The following IQCJ variants were observed in gnomAD, a reference collection of about 807,000 sequenced individuals.
IQCJ encodes IQ motif containing J.
Under a neutral mutation model 11.0 loss-of-function variants are expected in IQCJ, and 9 were observed. That is an observed-to-expected ratio of 0.82 (90% CI 0.49 to 1.43). The LOEUF (loss-of-function observed/expected upper bound fraction) is 1.43. IQCJ is among the 40% of genes most tolerant of loss of function. The pLI, the probability that IQCJ is intolerant of heterozygous loss-of-function variation, is 0.00. For synonymous variants in IQCJ, 55 were observed against 51.3 expected, an observed-to-expected ratio of 1.07 and a Z score of -0.31; for missense variants, 146 against 133.2, an observed-to-expected ratio of 1.10 and a Z score of -0.47.
At chr3:159,231,434 A>G (rs2595263) in intron 1 of IQCJ, among the ~76,000 whole-genome samples, 48,504 of 152,156 alleles carry the variant, frequency 0.32, 9,462 homozygotes, top group Non-Finnish European at 0.44. Flanking sequence ...TGATAATCAC[A>G]TTCTTATGAA....
intron 1 of IQCJ, among the ~76,000 whole-genome samples, chr3:159,186,457 G>A (rs908548177): frequency 1.3e-5 from 2 of 152,114 alleles, no homozygotes; most frequent in Non-Finnish European, 2.9e-5. Flanking sequence ...AGTAAGACAA[G>A]CATTTCAAAC....
At chr3:159,163,128 A>G (rs1054517209) in intron 1 of IQCJ, among the ~76,000 whole-genome samples, 7 of 152,218 alleles carry the variant, frequency 4.6e-5, no homozygotes, top group African/African-American at 1.7e-4. Context: ...CAAAAAAGAG[A>G]ATTTGAGACC....
At chr3:159,193,561 T>C (rs965656863) in intron 1 of IQCJ, among the ~76,000 whole-genome samples, 2 of 152,214 alleles carry the variant, frequency 1.3e-5, no homozygotes, top group Admixed American at 6.5e-5. Context: ...TGTGATGTTA[T>C]GTGTGGTTCC....
chr3:159,189,154 T>C (rs1481525423), intron 1 of IQCJ, among the ~76,000 whole-genome samples: 1 of 152,110 alleles, frequency 6.6e-6, no homozygotes, highest in Non-Finnish European at 1.5e-5. Context: ...TCTATGGTGG[T>C]ATGTTTGGGA....
chr3:159,167,445 T>C (rs1348514149), intron 1 of IQCJ, among the ~76,000 whole-genome samples: 1 of 152,200 alleles, frequency 6.6e-6, no homozygotes, highest in Non-Finnish European at 1.5e-5. Flanking sequence ...TCTTTTTTAG[T>C]GCACCCTGCT....
At chr3:159,183,433 T>C (rs915469592) in intron 1 of IQCJ, among the ~76,000 whole-genome samples, 1 of 152,186 alleles carries the variant, frequency 6.6e-6, no homozygotes. Context: ...TCTGTTATGC[T>C]CCTTTCTGTC....
chr3:159,123,697 T>A (rs1238131078), intron 1 of IQCJ, among the ~76,000 whole-genome samples: 3 of 152,130 alleles, frequency 2.0e-5, no homozygotes, highest in Non-Finnish European at 4.4e-5. Context: ...GTCTTAGAAT[T>A]CTACATTTTG....
At chr3:159,092,345 T>G (rs1296954954) in intron 1 of IQCJ, among the ~76,000 whole-genome samples, 1 of 151,846 alleles carries the variant, frequency 6.6e-6, no homozygotes, top group East Asian at 1.9e-4. Flanking sequence ...AGCATCCAAA[T>G]GCACTATGTG....
At chr3:159,218,919 A>T (rs1437315623) in intron 1 of IQCJ, among the ~76,000 whole-genome samples, 1 of 151,898 alleles carries the variant, frequency 6.6e-6, no homozygotes, top group East Asian at 1.9e-4. Flanking sequence ...TCACTCGTTT[A>T]CCCCAGCATG....
chr3:159,102,711 C>T (rs1030784685), intron 1 of IQCJ, among the ~76,000 whole-genome samples: 5 of 152,120 alleles, frequency 3.3e-5, no homozygotes, highest in Non-Finnish European at 5.9e-5. Flanking sequence ...CAATCAGAAC[C>T]ATCATTAATG....
chr3:159,245,023 C>T (rs1021948871), intron 1 of IQCJ, among the ~76,000 whole-genome samples: 3 of 152,096 alleles, frequency 2.0e-5, no homozygotes, highest in Non-Finnish European at 4.4e-5. Context: ...AAGGGAGTCT[C>T]ACCAGGAAGC....
At chr3:159,087,463 C>A (rs1364008191) in intron 1 of IQCJ, among the ~76,000 whole-genome samples, 1 of 150,806 alleles carries the variant, frequency 6.6e-6, no homozygotes, top group Non-Finnish European at 1.5e-5. Flanking sequence ...TCCTCTTTTT[C>A]TATTGATTGG....
At chr3:159,235,828 A>G (rs941396781) in intron 1 of IQCJ, among the ~76,000 whole-genome samples, 2 of 152,214 alleles carry the variant, frequency 1.3e-5, no homozygotes, top group Non-Finnish European at 2.9e-5. Flanking sequence ...AAACAAGAAC[A>G]ATGAGCTATC....
chr3:159,117,222 C>T (rs1719082278), intron 1 of IQCJ, among the ~76,000 whole-genome samples: 1 of 152,158 alleles, frequency 6.6e-6, no homozygotes, highest in Admixed American at 6.5e-5. Flanking sequence ...CCCAAACCTA[C>T]AGATTGTTGA....
chr3:159,265,234 G>A (rs780694898), downstream of IQCJ: 1 of 1,613,440 alleles, frequency 6.2e-7, no homozygotes, highest in South Asian at 1.1e-5. Context: ...GCCCCTGTTG[G>A]GAAGATTCAT....
At chr3:159,115,931 G>T (rs1718965753) in intron 1 of IQCJ, among the ~76,000 whole-genome samples, 1 of 152,130 alleles carries the variant, frequency 6.6e-6, no homozygotes. Flanking sequence ...GGATGGGAGG[G>T]CTAGGGGAGG....
intron 1 of IQCJ, among the ~76,000 whole-genome samples, chr3:159,145,041 T>A (rs1395364614): frequency 6.6e-6 from 1 of 152,186 alleles, no homozygotes; most frequent in Non-Finnish European, 1.5e-5. Context: ...AGCAATGAGA[T>A]CACCTCTGTT....
At chr3:159,139,659 T>C (rs2108177424) in intron 1 of IQCJ, among the ~76,000 whole-genome samples, 1 of 152,310 alleles carries the variant, frequency 6.6e-6, no homozygotes, top group African/African-American at 2.4e-5. Flanking sequence ...GTGGGCTTGC[T>C]AAGGATCCCA....
intron 1 of IQCJ, among the ~76,000 whole-genome samples, chr3:159,159,996 A>G (rs2108217114): frequency 6.6e-6 from 1 of 152,318 alleles, no homozygotes; most frequent in African/African-American, 2.4e-5. Flanking sequence ...TCTTTTCATT[A>G]TAAATTACCC....
Sources: gnomAD v4.1 joint callset for allele counts (sites outside exome capture counted in the v4.1 genomes callset) on GRCh38, gnomAD v4.1.1 for gene constraint, MANE v1.5 for transcripts, NCBI Gene and HGNC (gene_info 2026-07-23, HGNC 2026-07-21) for gene names.